ATP9B: variants seen among roughly 807,000 people sequenced by gnomAD.
ATP9B encodes the protein probable phospholipid-transporting ATPase IIB.
In ATP9B, 110 loss-of-function variants were observed where a neutral mutation model predicts 146.1. That is an observed-to-expected ratio of 0.75 (90% CI 0.65 to 0.88). The LOEUF (loss-of-function observed/expected upper bound fraction) is 0.88, where lower values mean the gene tolerates loss of function less well. Among genes scored for constraint, ATP9B ranks in the 40% least tolerant of loss-of-function variants. The pLI, the probability that ATP9B is intolerant of heterozygous loss-of-function variation, is 0.00. For synonymous variants in ATP9B, 604 were observed against 569.7 expected, an observed-to-expected ratio of 1.06 and a Z score of -0.86; for missense variants, 1,499 against 1,496.4, an observed-to-expected ratio of 1.00 and a Z score of -0.03.
At chr18:79,159,987 T>G (rs1195636965) in intron 7 of ATP9B, among the ~76,000 whole-genome samples, 1 of 152,216 alleles carries the variant, frequency 6.6e-6, no homozygotes, top group South Asian at 2.1e-4. Context: ...GCCTGTTGAT[T>G]GGAGCCTTTA....
At chr18:79,201,939 C>T (rs1278366464) in intron 9 of ATP9B, among the ~76,000 whole-genome samples, 1 of 152,060 alleles carries the variant, frequency 6.6e-6, no homozygotes, top group Non-Finnish European at 1.5e-5. Flanking sequence ...GTAGCCTCAG[C>T]TATGTGGGAG....
chr18:79,372,616 A>T (rs1362126011), intron 26 of ATP9B: 4 of 669,028 alleles, frequency 6.0e-6, no homozygotes, highest in Non-Finnish European at 1.1e-5. Context: ...CTCAGGCACC[A>T]GTGGACACGT....
At chr18:79,149,799 T>C (rs894204880) in intron 6 of ATP9B, among the ~76,000 whole-genome samples, 13 of 151,978 alleles carry the variant, frequency 8.6e-5, no homozygotes, top group Admixed American at 6.6e-4. Flanking sequence ...AATAAACACA[T>C]GGGCCAGGCA....
intron 2 of ATP9B, among the ~76,000 whole-genome samples, chr18:79,105,050 T>G (rs1464323823): frequency 6.6e-6 from 1 of 152,216 alleles, no homozygotes; most frequent in African/African-American, 2.4e-5. Context: ...CACTAAGGAA[T>G]GTCCTACTGC....
In ATP9B at chr18:79,304,317, A is replaced by G. The variant is rs114097229; in HGVS notation, c.1524+601A>G. Reference sequence around the variant, plus strand: ...AGGACTCTGCCTTTCGTTGGGGCCAAAGCTCCCTAAAGTTCTGAGAACAGG... The same window carrying G: ...AGGACTCTGCCTTTCGTTGGGGCCAGAGCTCCCTAAAGTTCTGAGAACAGG... On this transcript the variant is annotated intron_variant, in intron 14 of 29. Coordinates refer to ENST00000426216, the MANE Select transcript of ATP9B (RefSeq NM_198531.5). Among the ~76,000 whole-genome samples, 363 of 152,238 alleles carry G rather than the reference A, an allele frequency of 2.4e-3. 1 individual carries two copies. The highest frequency in any genetic ancestry group is 8.3e-3 in the African/African-American group (344 of 41,536).
chr18:79,252,235 T>A (rs1400066925), intron 11 of ATP9B, among the ~76,000 whole-genome samples: 2 of 152,198 alleles, frequency 1.3e-5, no homozygotes, highest in Admixed American at 1.3e-4. Flanking sequence ...CCTCTTCGCA[T>A]CCCCTGGGGG....
At chr18:79,200,567 A>T (rs942293976) in intron 9 of ATP9B, among the ~76,000 whole-genome samples, 5 of 152,264 alleles carry the variant, frequency 3.3e-5, no homozygotes, top group Non-Finnish European at 7.3e-5. Context: ...GCTTAGGAAA[A>T]AAAAGGCAAC....
intron 19 of ATP9B, among the ~76,000 whole-genome samples, chr18:79,340,889 G>C: frequency 6.6e-6 from 1 of 152,176 alleles, no homozygotes; most frequent in African/African-American, 2.4e-5. Flanking sequence ...GTCTTCATGA[G>C]CCTCCCAGCC....
chr18:79,347,962 G>T, intron 24 of ATP9B, 37 bp downstream of exon 24: 1 of 1,607,466 alleles, frequency 6.2e-7, no homozygotes. Context: ...ATGGAGGGCA[G>T]GGTCCAGGAA....
intron 11 of ATP9B, among the ~76,000 whole-genome samples, chr18:79,221,434 C>T (rs1600606095): frequency 1.3e-5 from 2 of 152,242 alleles, no homozygotes; most frequent in East Asian, 3.9e-4. Context: ...ACTTTCAAAA[C>T]TATCAGGCTG....
At chr18:79,376,549 C>A (rs1214310529) in intron 29 of ATP9B, among the ~76,000 whole-genome samples, 1 of 152,086 alleles carries the variant, frequency 6.6e-6, no homozygotes, top group Non-Finnish European at 1.5e-5. Context: ...GCCACCACAC[C>A]AGGATAATTT....
chr18:79,272,195 C>G (rs2096262929), intron 12 of ATP9B, among the ~76,000 whole-genome samples: 1 of 152,176 alleles, frequency 6.6e-6, no homozygotes, highest in African/African-American at 2.4e-5. Context: ...TTCCTGTTCA[C>G]TCTGCTGTAT....
chr18:79,358,000 A>G (rs1681233), intron 25 of ATP9B, among the ~76,000 whole-genome samples: 16 of 59,130 alleles, frequency 2.7e-4, no homozygotes, highest in African/African-American at 3.7e-4. Context: ...TGTGTGAGGG[A>G]TGCTCTGGGT....
At chr18:79,100,059 G>A (rs9958681) in intron 2 of ATP9B, among the ~76,000 whole-genome samples, 49,676 of 151,894 alleles carry the variant, frequency 0.33, 8,989 homozygotes, top group East Asian at 0.5. Context: ...CCCAGGAGGC[G>A]GCGGTTGCAG....
At chr18:79,093,214 T>C (rs897644686) in intron 1 of ATP9B, among the ~76,000 whole-genome samples, 2 of 152,218 alleles carry the variant, frequency 1.3e-5, no homozygotes, top group African/African-American at 4.8e-5. Flanking sequence ...TTTTTTTTAC[T>C]TTTAATCTTT....
At chr18:79,232,680 G>C (rs2095803329) in intron 11 of ATP9B, among the ~76,000 whole-genome samples, 1 of 152,208 alleles carries the variant, frequency 6.6e-6, no homozygotes, top group African/African-American at 2.4e-5. Context: ...GGAATGACCA[G>C]ATAGGGAATC....
At chr18:79,132,391 G>A (rs933141153) in intron 5 of ATP9B, among the ~76,000 whole-genome samples, 3 of 152,144 alleles carry the variant, frequency 2.0e-5, no homozygotes, top group East Asian at 3.9e-4. Flanking sequence ...ATCCAGCATC[G>A]TCCAAGCGGG....
At chr18:79,357,945 G>A (rs1380281013) in intron 25 of ATP9B, among the ~76,000 whole-genome samples, 5 of 74,600 alleles carry the variant, frequency 6.7e-5, no homozygotes, top group South Asian at 6.5e-4. Flanking sequence ...GAGGGACCCT[G>A]TGTGAGGGAT....
chr18:79,286,000 A>G (rs925441220), intron 13 of ATP9B, among the ~76,000 whole-genome samples: 2 of 151,204 alleles, frequency 1.3e-5, no homozygotes, highest in Non-Finnish European at 2.9e-5. Context: ...TACCAGTACC[A>G]TGCTGTTTTG....
Sources: gnomAD v4.1 joint callset for allele counts (sites outside exome capture counted in the v4.1 genomes callset) on GRCh38, gnomAD v4.1.1 for gene constraint, MANE v1.5 for transcripts, NCBI Gene and HGNC (gene_info 2026-07-23, HGNC 2026-07-21) for gene names.